The following MARS1 variants were observed in gnomAD, a reference collection of about 807,000 sequenced individuals.
The protein encoded by MARS1 is methionyl-tRNA synthetase 1, also known as methionine--tRNA ligase, cytoplasmic.
A neutral mutation model predicts 119.5 loss-of-function variants in MARS1; 80 were observed. That is an observed-to-expected ratio of 0.67 (90% CI 0.56 to 0.81). The LOEUF is 0.81. Among genes scored for constraint, MARS1 ranks in the 30% least tolerant of loss-of-function variants. The pLI is 0.00. For missense variants in MARS1, 945 were observed against 1,116.5 expected (o/e 0.85, Z 2.19); for synonymous variants, 418 against 433.4 (o/e 0.96, Z 0.44).
In MARS1 at chr12:57,488,097, CTGTT is replaced by C. The variant is rs776471747; in HGVS notation, c.8_11del (p.Leu3ProfsTer2). 6.2e-7 allele frequency: 1 copy of C among 1,614,042 alleles called. No individual in the cohort carries two copies. On this transcript the variant is annotated frameshift_variant, in exon 1 of 21. Coordinates refer to ENST00000262027, the MANE Select transcript of MARS1 (RefSeq NM_004990.4). LOFTEE classifies it high-confidence loss of function. ...GCGAGGGATTCACGGCGAAATGAGA[CTGTT>C]CGTGAGTGATGGCGTCCCGGGTTGC...
chr12:57,496,633 CA>C (rs1876647743), intron 7 of MARS1, among the ~76,000 whole-genome samples: 1 of 151,898 alleles, frequency 6.6e-6, no homozygotes, highest in Admixed American at 6.6e-5. Flanking sequence ...AAAAATTATC[CA>C]GGCACGGTGA....
chr12:57,516,081 T>C (rs1877800360), intron 19 of MARS1, 90 bp downstream of exon 19: 1 of 1,459,962 alleles, frequency 6.8e-7, no homozygotes, highest in African/African-American at 1.4e-5. Flanking sequence ...CATCACTCTT[T>C]CCATCTTTTG....
chr12:57,511,940 A>G, intron 12 of MARS1, 68 bp from the exon 13 acceptor site: 1 of 1,602,942 alleles, frequency 6.2e-7, no homozygotes, highest in Non-Finnish European at 8.5e-7. Context: ...TAGACTGCTG[A>G]TTATGTCTTG....
At position 57,490,533 on chromosome 12, in the gene MARS1, T is replaced by C. The variant is rs760927369; in HGVS notation, c.664-5T>C. ...CTGGTAAGGGATTCTCTCCACTCTT[T>C]ATAGGAGGAGGAGCTGGCTACCCTA... On this transcript the variant is annotated splice_polypyrimidine_tract_variant and splice_region_variant and intron_variant, in intron 6 of 20. Transcript: ENST00000262027. The C allele has an allele frequency of 6.2e-6, 10 of 1,613,812 alleles. No individual in the cohort carries two copies. The East Asian group carries it at 1.8e-4, about 29-fold the overall frequency.
rs1877718791 is a variant in MARS1 at position 57,515,027 on chromosome 12, T to G, written c.2173T>G (p.Trp725Gly). 4.3e-6 allele frequency: 7 copies of G among 1,614,154 alleles called. No individual in the cohort carries two copies. The highest frequency in any genetic ancestry group is 5.9e-6 in the Non-Finnish European group (7 of 1,180,032). The stretch of plus-strand genomic sequence containing the variant: ...CCAATATATTCAGGTGAATGAGCCC[T>G]GGAAGCGGATTAAAGGCAGTGAGGC... ...GNQYIQVNEP[W>G]KRIKGSEADR... The change falls in exon 17 of 21, where the codon TGG becomes GGG. Residue 725 changes from tryptophan to glycine, a missense_variant. Physicochemically the swap from Trp to Gly is radical, Grantham distance 184. Coordinates refer to ENST00000262027, the MANE Select transcript of MARS1 (RefSeq NM_004990.4).
In MARS1 at chr12:57,499,439, CA is replaced by C. The variant is rs71280718; in HGVS notation, c.1091+831del. 6.7e-3 allele frequency among the ~76,000 whole-genome samples: 829 copies of C among 123,056 alleles called. 1 individual carries two copies. Among genetic ancestry groups the C allele is most frequent in the Middle Eastern group, 9.8e-3 (2 of 204 alleles). 80.7% of individuals were successfully genotyped at this position (123,056 alleles called of 152,430 possible). On this transcript the variant is annotated intron_variant, in intron 9 of 20. Coordinates refer to ENST00000262027, the MANE Select transcript of MARS1 (RefSeq NM_004990.4). The stretch of plus-strand genomic sequence containing the variant: ...TGAAACCCTGTCTCTACTAAAAATA[CA>C]AAAAAAAAAAAAAATTAACCAGGCG...
In MARS1 at chr12:57,516,614, G is replaced by A; in HGVS notation, c.*33G>A. The A allele has an allele frequency of 6.5e-7, 1 of 1,547,776 alleles. No homozygotes were observed. The highest frequency in any genetic ancestry group is 1.3e-5 in the South Asian group (1 of 79,274). On this transcript the variant is annotated 3_prime_UTR_variant, in exon 21 of 21. Coordinates refer to ENST00000262027, the MANE Select transcript of MARS1 (RefSeq NM_004990.4). ...TGGCTCATAGAAAGTCACTTTAATA[G>A]ATAGGGACAGTAATAAATAAATGTA... is the stretch of plus-strand genomic sequence containing the variant.
At chr12:57,490,073 GGCAACTATA>G (rs1358996182) in intron 5 of MARS1, 102 bp downstream of exon 5, 2 of 1,441,516 alleles carry the variant, frequency 1.4e-6, no homozygotes, top group Non-Finnish European at 1.9e-6. Flanking sequence ...AGCTTGACTG[GGCAACTATA>G]GCAGAAGATG....
chr12:57,494,969 A>G (rs1238339336), intron 7 of MARS1, among the ~76,000 whole-genome samples: 2 of 152,114 alleles, frequency 1.3e-5, no homozygotes, highest in Admixed American at 6.5e-5. Context: ...CCCCTTTTCT[A>G]TTCTACAAAT....
At chr12:57,492,669 T>TCACACACACACACA (rs58931225) in intron 7 of MARS1, among the ~76,000 whole-genome samples, 11 of 139,550 alleles carry the variant, frequency 7.9e-5, no homozygotes, top group African/African-American at 2.9e-4. Flanking sequence ...CGACTCCATT[T>TCACACACACACACA]CACACACACA....
At position 57,516,483 on chromosome 12, in the gene MARS1, GT is replaced by G; in HGVS notation, c.2607del (p.Ala870LeufsTer10). The part of the protein sequence containing the change: ...LKAQKADKNE[V>X]AAEVAKLLDL... ...AGCACAAAAGGCAGACAAGAACGAG[GT>G]TGCTGCGGAGGTGGCGAAACTCTTG... On this transcript the variant is annotated frameshift_variant, in exon 21 of 21. Coordinates refer to ENST00000262027, the MANE Select transcript of MARS1 (RefSeq NM_004990.4). LOFTEE classifies it high-confidence loss of function. 3.7e-6 allele frequency: 6 copies of G among 1,613,928 alleles called. No individual in the cohort carries two copies. The highest frequency in any genetic ancestry group is 5.1e-6 in the Non-Finnish European group (6 of 1,179,968).
rs971688945 is a variant in MARS1, at chr12:57,495,154, G to A, written c.771-3003G>A. ...GGAGGCGCCCCCCACCTCCCGGATGGGGTGGCTGCCGGGCGGGGGCTGCCC... is the reference window on the plus strand; with the variant it reads ...GGAGGCGCCCCCCACCTCCCGGATGAGGTGGCTGCCGGGCGGGGGCTGCCC... On this transcript the variant is annotated intron_variant, in intron 7 of 20. Transcript: ENST00000262027. 4.0e-4 allele frequency among the ~76,000 whole-genome samples: 61 copies of A among 150,976 alleles called. 1 individual carries two copies. The highest frequency in any genetic ancestry group is 1.4e-3 in the African/African-American group (57 of 41,146).
At chr12:57,491,885 G>A (rs983541949) in intron 7 of MARS1, among the ~76,000 whole-genome samples, 1 of 152,228 alleles carries the variant, frequency 6.6e-6, no homozygotes, top group Non-Finnish European at 1.5e-5. Flanking sequence ...GGTATACAGA[G>A]GGGAACAAGA....
At chr12:57,489,163 G>T in intron 2 of MARS1, 54 bp downstream of exon 2, 1 of 1,596,800 alleles carries the variant, frequency 6.3e-7, no homozygotes, top group Non-Finnish European at 8.6e-7. Flanking sequence ...AGGCCTCACT[G>T]TCATTTGTGT....
intron 8 of MARS1, 62 bp downstream of exon 8, chr12:57,498,335 T>A: frequency 6.3e-7 from 1 of 1,596,952 alleles, no homozygotes; most frequent in Admixed American, 1.7e-5. Flanking sequence ...GGGAATAGGA[T>A]GCTTCAAGGG....
At position 57,490,150 on chromosome 12, in the gene MARS1, C is replaced by T. The variant is rs115402894; in HGVS notation, c.491-57C>T. 3.3e-4 allele frequency: 513 copies of T among 1,560,400 alleles called. 3 individuals carry two copies. In the African/African-American group the frequency reaches 6.2e-3, roughly 19 times the overall value. ...CCTCACAAAGAAGGGGAAAGATGCC[C>T]GCTCCTGCCTACCAGGTCCTTATGT... is the stretch of plus-strand genomic sequence containing the variant. On this transcript the variant is annotated intron_variant, in intron 5 of 20. Transcript: ENST00000262027.
At chr12:57,511,130 A>AT (rs1476856756) in intron 11 of MARS1, among the ~76,000 whole-genome samples, 1 of 102,720 alleles carries the variant, frequency 9.7e-6, no homozygotes. Flanking sequence ...AGTGTTCCAT[A>AT]TTTTTAAAAA....
At chr12:57,509,936 C>G (rs1012583557) in intron 11 of MARS1, among the ~76,000 whole-genome samples, 4 of 152,098 alleles carry the variant, frequency 2.6e-5, no homozygotes, top group Non-Finnish European at 5.9e-5. Context: ...AAAAAATAAC[C>G]TATTAAAAAG....
rs771582433 is a variant in MARS1 at position 57,498,528 on chromosome 12, C to G, written c.996C>G (p.Ile332Met). 11 of 1,614,118 alleles carry G rather than the reference C, an allele frequency of 6.8e-6. No individual in the cohort carries two copies. Among genetic ancestry groups the G allele is most frequent in the Non-Finnish European group, 8.5e-6 (10 of 1,180,050 alleles). ...ALEEGLTPQEICDKYHIIHAD... is the reference protein window; with the variant it reads ...ALEEGLTPQEMCDKYHIIHAD... ...AGGAGGGACTAACCCCCCAGGAGAT[C>G]TGCGACAAGTACCACATCATCCATG... Residue 332 changes from isoleucine (I) to methionine (M), a missense_variant, in exon 9 of 21, where the codon ATC becomes ATG. Ile to Met is a conservative substitution (Grantham distance 10). Transcript: ENST00000262027.
Sources: gnomAD v4.1 joint callset for allele counts (sites outside exome capture counted in the v4.1 genomes callset) on GRCh38, gnomAD v4.1.1 for gene constraint, MANE v1.5 for transcripts, NCBI Gene and HGNC (gene_info 2026-07-23, HGNC 2026-07-21) for gene names.